BACE1: variants seen among roughly 807,000 people sequenced by gnomAD.
BACE1 encodes APP beta-secretase.
Under a neutral mutation model 54.0 loss-of-function variants are expected in BACE1, and 21 were observed. That is an observed-to-expected ratio of 0.39 (90% confidence interval 0.28 to 0.56). BACE1 has a LOEUF of 0.56. Among genes scored for constraint, BACE1 ranks in the 20% least tolerant of loss-of-function variants. BACE1 has a pLI of 0.63. For synonymous variants in BACE1, 232 were observed against 260.9 expected (o/e 0.89, Z 1.07); for missense variants, 511 against 661.2 (o/e 0.77, Z 2.49).
At chr11:117,299,628 C>T in intron 1 of BACE1, 1 of 386,330 alleles carries the variant, frequency 2.6e-6, no homozygotes, top group Non-Finnish European at 5.1e-6. Flanking sequence ...CCATTCCCCT[C>T]CCTGCCCCTC....
Position 117,291,067 on chromosome 11 carries a change from G to T in BACE1, c.943-18C>A. On this transcript the variant is annotated intron_variant, in intron 6 of 8. Coordinates refer to ENST00000313005, the MANE Select transcript of BACE1 (RefSeq NM_012104.6). Reference sequence around the variant, plus strand: ...TTCTCCGTCTGTGTTGGCAAGAAGGGGATAACAATGAGGAAAAGCCTCTTT... The same window carrying T: ...TTCTCCGTCTGTGTTGGCAAGAAGGTGATAACAATGAGGAAAAGCCTCTTT... 6.2e-7 allele frequency: 1 copy of T among 1,612,730 alleles called. No individual in the cohort carries two copies.
rs1013569575 is a variant in BACE1, at chr11:117,315,757, G to A, written c.39C>T (p.Gly13=). The A allele has an allele frequency of 6.1e-6, 9 of 1,464,682 alleles. No homozygotes were observed. The highest frequency in any genetic ancestry group is 1.5e-5 in the African/African-American group (1 of 67,160). 90.7% of individuals were successfully genotyped at this position (1,464,682 alleles called of 1,614,324 possible). A position where few individuals can be genotyped will look rare whatever the true frequency, so the allele number is the denominator to read the frequency against. ...QALPWLLLWM[G]AGVLPAHGTQ... ...TGCCGTGGGCAGGCAGCACTCCCGC[G>A]CCCATCCACAGCAGGAGCCAGGGCA... The change falls in exon 1 of 9, where the codon GGC becomes GGT. Residue 13 remains glycine, a synonymous_variant. Coordinates refer to ENST00000313005, the MANE Select transcript of BACE1 (RefSeq NM_012104.6). This position sits in a 1 kb window ranked among gnomAD's most constrained non-coding sequence, Gnocchi z 5.5.
intron 1 of BACE1, among the ~76,000 whole-genome samples, chr11:117,309,196 G>A (rs1341566222): frequency 1.3e-5 from 2 of 152,102 alleles, no homozygotes; most frequent in African/African-American, 4.8e-5. Flanking sequence ...ATCCTTGTTT[G>A]CATGTCTAGA....
rs1462714368 is a variant in BACE1 at position 117,315,395 on chromosome 11, C to T, written c.261+140G>A. The T allele has an allele frequency of 8.4e-7, 1 of 1,187,276 alleles. No individual in the cohort carries two copies. 73.5% of individuals were successfully genotyped at this position (1,187,276 alleles called of 1,614,324 possible). A position where few individuals can be genotyped will look rare whatever the true frequency, so the allele number is the denominator to read the frequency against. ...AACACTTCTGCCAACAACCACGTGACCCCCGGGGAATGGCTGGGGAGGGGT... is the reference window on the plus strand; with the variant it reads ...AACACTTCTGCCAACAACCACGTGATCCCCGGGGAATGGCTGGGGAGGGGT... On this transcript the variant is annotated intron_variant, in intron 1 of 8. Coordinates refer to ENST00000313005, the MANE Select transcript of BACE1 (RefSeq NM_012104.6). This position sits in a 1 kb window ranked among gnomAD's most constrained non-coding sequence, Gnocchi z 5.5.
chr11:117,291,052 G>A lies in BACE1; in HGVS notation c.943-3C>T, dbSNP rs373507004. On this transcript the variant is annotated splice_region_variant and splice_polypyrimidine_tract_variant and intron_variant, in intron 6 of 8. Transcript: ENST00000313005. ...AAACCATCAGGGAACTTCTCCGTCT[G>A]TGTTGGCAAGAAGGGGATAACAATG... 49 of 1,613,810 alleles carry A rather than the reference G, an allele frequency of 3.0e-5. No homozygotes were observed. The highest frequency in any genetic ancestry group is 4.0e-5 in the Non-Finnish European group (47 of 1,179,940).
intron 1 of BACE1, 186 bp from the exon 2 acceptor site, chr11:117,297,147 T>C: frequency 3.6e-6 from 2 of 561,292 alleles, no homozygotes; most frequent in Non-Finnish European, 6.2e-6. Context: ...TGGGGTCCTG[T>C]GGTGCTGCAG....
chr11:117,310,888 AG>A (rs1376770478), intron 1 of BACE1, among the ~76,000 whole-genome samples: 3 of 152,218 alleles, frequency 2.0e-5, no homozygotes, highest in Non-Finnish European at 4.4e-5. Context: ...AGGATGAAAC[AG>A]GTCTTAACTT....
chr11:117,308,856 G>A (rs2034888816), intron 1 of BACE1, among the ~76,000 whole-genome samples: 1 of 152,086 alleles, frequency 6.6e-6, no homozygotes, highest in South Asian at 2.1e-4. Flanking sequence ...GAGAAGCTGA[G>A]GCAGGAGAAT....
intron 1 of BACE1, among the ~76,000 whole-genome samples, chr11:117,303,969 C>T (rs1394997166): frequency 2.6e-5 from 4 of 152,196 alleles, no homozygotes; most frequent in Non-Finnish European, 5.9e-5. Flanking sequence ...CTGACCAAGC[C>T]TTAAGTGTGG....
At chr11:117,298,922 C>CA (rs1283249090) in intron 1 of BACE1, among the ~76,000 whole-genome samples, 1 of 152,222 alleles carries the variant, frequency 6.6e-6, no homozygotes, top group African/African-American at 2.4e-5. Context: ...TCTCCTGTCT[C>CA]AGTCTCCTGA....
chr11:117,290,338 G>A, intron 8 of BACE1, 150 bp downstream of exon 8: 1 of 978,068 alleles, frequency 1.0e-6, no homozygotes. Context: ...GACGAGCATT[G>A]ACACTAGCTT....
chr11:117,297,490 C>T (rs1259953415), intron 1 of BACE1, among the ~76,000 whole-genome samples: 2 of 152,086 alleles, frequency 1.3e-5, no homozygotes, highest in African/African-American at 2.4e-5. Flanking sequence ...CATGGTGGCA[C>T]ATGCCTGTAG....
chr11:117,296,858 C>T lies in BACE1; in HGVS notation c.350+15G>A. 1.2e-6 allele frequency: 2 copies of T among 1,602,312 alleles called. No homozygotes were observed. Among genetic ancestry groups the T allele is most frequent in the South Asian group, 1.1e-5 (1 of 89,966 alleles). ...TTGGAAAAGGTACTTCCCCCGGGCT[C>T]TCCCCAGGACTCACAGCTGCCTCTG... On this transcript the variant is annotated intron_variant, in intron 2 of 8. Coordinates refer to ENST00000313005, the MANE Select transcript of BACE1 (RefSeq NM_012104.6).
intron 1 of BACE1, among the ~76,000 whole-genome samples, chr11:117,311,830 G>A (rs573095384): frequency 9.2e-5 from 14 of 152,008 alleles, no homozygotes; most frequent in Admixed American, 2.6e-4. Context: ...TAGTAGAGAC[G>A]GGGTTTCACC....
Position 117,293,732 on chromosome 11 carries a change from A to T in BACE1, c.705+139T>A, listed in dbSNP as rs1414458714. On this transcript the variant is annotated intron_variant, in intron 4 of 8. Coordinates refer to ENST00000313005, the MANE Select transcript of BACE1 (RefSeq NM_012104.6). This position sits in a 1 kb window ranked among gnomAD's most constrained non-coding sequence, Gnocchi z 4.1. ...AAAGAAAAGAATGGAAAAATAAAGTAAGGGTAGGGAATATAAAGAGGTTCC... is the reference window on the plus strand; with the variant it reads ...AAAGAAAAGAATGGAAAAATAAAGTTAGGGTAGGGAATATAAAGAGGTTCC... 1 of 799,316 alleles carries T rather than the reference A, an allele frequency of 1.3e-6. No homozygotes were observed. Among genetic ancestry groups the T allele is most frequent in the Admixed American group, 3.4e-5 (1 of 29,418 alleles). The allele number at this position is 799,316 out of a possible 1,614,324, so 49.5% of individuals were successfully genotyped here.
chr11:117,296,529 G>A (rs953969906), intron 2 of BACE1, among the ~76,000 whole-genome samples: 1 of 152,144 alleles, frequency 6.6e-6, no homozygotes, highest in Non-Finnish European at 1.5e-5. Context: ...ACACCGAGGG[G>A]ATGTGGGGTT....
chr11:117,301,727 T>C (rs1194155566), intron 1 of BACE1, among the ~76,000 whole-genome samples: 2 of 152,220 alleles, frequency 1.3e-5, no homozygotes, highest in South Asian at 2.1e-4. Flanking sequence ...CCATCTGTTC[T>C]GTAGGTCAGC....
intron 1 of BACE1, among the ~76,000 whole-genome samples, chr11:117,300,529 G>C (rs1383716298): frequency 1.3e-5 from 2 of 152,172 alleles, no homozygotes; most frequent in African/African-American, 4.8e-5. Flanking sequence ...TTATGAAACA[G>C]GGCAGTTCAG....
rs1258192681 is a variant in BACE1 at position 117,290,426 on chromosome 11, T to A, written c.1264+62A>T. 32 of 1,577,170 alleles carry A rather than the reference T, an allele frequency of 2.0e-5. No individual in the cohort carries two copies. The East Asian group carries it at 7.2e-4, about 35-fold the overall frequency. On this transcript the variant is annotated intron_variant, in intron 8 of 8. Transcript: ENST00000313005. ...CTGACAGGGACCCAGGTATACTAACTGTTGTTTGACAAGGAAAATATGGAG... is the reference window on the plus strand; with the variant it reads ...CTGACAGGGACCCAGGTATACTAACAGTTGTTTGACAAGGAAAATATGGAG...
Sources: allele counts gnomAD v4.1 joint callset (sites outside exome capture counted in the v4.1 genomes callset), GRCh38; gene constraint gnomAD v4.1.1; non-coding constraint Gnocchi (gnomAD v3.1); transcripts MANE v1.5; gene names NCBI Gene and HGNC (gene_info 2026-07-23, HGNC 2026-07-21).